The following TLL2 variants were observed in gnomAD, a reference collection of about 807,000 sequenced individuals.
TLL2 encodes the protein tolloid like 2, also known as tolloid-like protein 2.
In TLL2, 106 loss-of-function variants were observed where a neutral mutation model predicts 123.0. The observed-to-expected ratio is 0.86, with a 90% CI of 0.74 to 1.01. The LOEUF is 1.01. Among genes scored for constraint, TLL2 ranks in the 50% least tolerant of loss-of-function variants. TLL2 has a pLI of 0.00. For missense variants in TLL2, 1,332 were observed against 1,336.7 expected (o/e 1.00, Z 0.06); for synonymous variants, 494 against 516.8 (o/e 0.96, Z 0.60).
chr10:96,395,297 C>T lies in TLL2; in HGVS notation c.1616G>A (p.Cys539Tyr), dbSNP rs1430570644. ...TEESALIGHF[C>Y]GYEKPEDVKS... is the part of the protein sequence containing the mutation. ...CACATCCTCCGGCTTCTCATAGCCA[C>T]AAAAGTGGCCGATCAGGGCACTCTC... The change falls in exon 13 of 21, where the codon TGT becomes TAT. Residue 539 changes from cysteine to tyrosine, a missense_variant. Transcript: ENST00000357947. 3 of 1,613,958 alleles carry T rather than the reference C, an allele frequency of 1.9e-6. No individual in the cohort carries two copies. The highest frequency in any genetic ancestry group is 2.2e-5 in the East Asian group (1 of 44,898).
Position 96,369,241 on chromosome 10 carries a change from T to G in TLL2, c.2913+824A>C, listed in dbSNP as rs1295204778. On this transcript the variant is annotated intron_variant, in intron 20 of 20. Coordinates refer to ENST00000357947, the MANE Select transcript of TLL2 (RefSeq NM_012465.4). ...GCAAACTCCCACCAAGCACCAACTA[T>G]ATGCCAAGCCCAGTGTCAGGTGCTG... Among the ~76,000 whole-genome samples the G allele has an allele frequency of 2.0e-5, 3 of 152,118 alleles. No individual in the cohort carries two copies. In the East Asian group the frequency reaches 5.8e-4, roughly 29 times the overall value.
intron 13 of TLL2, among the ~76,000 whole-genome samples, chr10:96,394,548 G>A (rs1263866861): frequency 6.6e-6 from 1 of 152,186 alleles, no homozygotes; most frequent in Non-Finnish European, 1.5e-5. Flanking sequence ...TTCCCAGAGT[G>A]CCACCCCTTA....
At chr10:96,488,696 C>T (rs746202689) in intron 1 of TLL2, among the ~76,000 whole-genome samples, 2 of 152,164 alleles carry the variant, frequency 1.3e-5, no homozygotes, top group Non-Finnish European at 2.9e-5. Context: ...GCCACCACCG[C>T]CTTCCATAGA....
chr10:96,402,274 A>G (rs1846404289), intron 10 of TLL2, among the ~76,000 whole-genome samples: 1 of 152,250 alleles, frequency 6.6e-6, no homozygotes, highest in Non-Finnish European at 1.5e-5. Flanking sequence ...AATCACCTTC[A>G]GCAGTTAGAT....
At chr10:96,382,009 C>A (rs1453726963) in intron 16 of TLL2, among the ~76,000 whole-genome samples, 3 of 152,160 alleles carry the variant, frequency 2.0e-5, no homozygotes, top group Non-Finnish European at 4.4e-5. Flanking sequence ...GCAGGACCTG[C>A]TACACAGTTT....
intron 5 of TLL2, among the ~76,000 whole-genome samples, chr10:96,424,595 A>C (rs1189606852): frequency 1.3e-5 from 2 of 152,050 alleles, no homozygotes; most frequent in African/African-American, 4.8e-5. Flanking sequence ...ATTTTAAGCG[A>C]CATTTTTTTT....
In TLL2 at chr10:96,480,425, A is replaced by T; in HGVS notation, c.210T>A (p.Asp70Glu). The T allele has an allele frequency of 1.2e-6, 2 of 1,614,192 alleles. No individual in the cohort carries two copies. Among genetic ancestry groups the T allele is most frequent in the Non-Finnish European group, 8.5e-7 (1 of 1,180,030 alleles). ...VFWGDIALDE[D>E]DLKLFHIDKA... ...TGTCAATGTGAAACAGCTTCAAGTCATCTTCATCTAAGGCAATGTCTCCCC... is the reference window on the plus strand; with the variant it reads ...TGTCAATGTGAAACAGCTTCAAGTCTTCTTCATCTAAGGCAATGTCTCCCC... Residue 70 changes from aspartate to glutamate, a missense_variant, in exon 2 of 21, where the codon GAT becomes GAA. Physicochemically the swap from Asp to Glu is conservative, Grantham distance 45. Coordinates refer to ENST00000357947, the MANE Select transcript of TLL2 (RefSeq NM_012465.4).
At chr10:96,432,522 C>T (rs1016450099) in intron 4 of TLL2, among the ~76,000 whole-genome samples, 2 of 152,296 alleles carry the variant, frequency 1.3e-5, no homozygotes, top group Non-Finnish European at 2.9e-5. Flanking sequence ...CTCAAACAGT[C>T]ATCATGCAAA....
intron 4 of TLL2, among the ~76,000 whole-genome samples, 180 bp from the exon 5 acceptor site, chr10:96,428,928 C>T (rs186862811): frequency 1.3e-5 from 2 of 152,204 alleles, no homozygotes; most frequent in African/African-American, 4.8e-5. Flanking sequence ...CCTCAGCCTC[C>T]CCAGTAGCTG....
intron 2 of TLL2, among the ~76,000 whole-genome samples, chr10:96,465,230 G>A (rs1161860187): frequency 6.6e-6 from 1 of 152,242 alleles, no homozygotes; most frequent in Non-Finnish European, 1.5e-5. Context: ...GACAATGTCG[G>A]TAAATAGAGG....
At chr10:96,479,386 C>A (rs1254203613) in intron 2 of TLL2, among the ~76,000 whole-genome samples, 2 of 152,232 alleles carry the variant, frequency 1.3e-5, no homozygotes, top group East Asian at 3.8e-4. Flanking sequence ...GTGGGAGGTG[C>A]CCCTGCCCTG....
intron 10 of TLL2, among the ~76,000 whole-genome samples, chr10:96,398,597 C>G (rs996003392): frequency 8.5e-5 from 13 of 152,200 alleles, no homozygotes; most frequent in Non-Finnish European, 1.6e-4. Context: ...CCACAGAGGC[C>G]TGGTCTTCCC....
rs1362213104 is a variant in TLL2, at chr10:96,502,799, G to A, written c.175+10712C>T. Reference sequence around the variant, plus strand: ...GACTCCAGGCCAGTAACCTGGGTGGGAGGCAGGGAAAGAGGCTGGGTGCAA... The same window carrying A: ...GACTCCAGGCCAGTAACCTGGGTGGAAGGCAGGGAAAGAGGCTGGGTGCAA... On this transcript the variant is annotated intron_variant, in intron 1 of 20. Transcript: ENST00000357947. Among the ~76,000 whole-genome samples, 3 of 152,224 alleles carry A rather than the reference G, an allele frequency of 2.0e-5. No individual in the cohort carries two copies. The South Asian group carries it at 6.2e-4, about 31-fold the overall frequency.
In TLL2 at chr10:96,421,076, T is replaced by G; in HGVS notation, c.818-15A>C. ...ATACTCCTGACCTGTGACACAACAC[T>G]GTGTTAAGCCCTTTGAAAACCAAGT... On this transcript the variant is annotated splice_polypyrimidine_tract_variant and intron_variant, in intron 6 of 20. Transcript: ENST00000357947. 1 of 1,608,154 alleles carries G rather than the reference T, an allele frequency of 6.2e-7. No homozygotes were observed. The highest frequency in any genetic ancestry group is 1.1e-5 in the South Asian group (1 of 90,960).
intron 2 of TLL2, among the ~76,000 whole-genome samples, chr10:96,453,810 A>G (rs902781204): frequency 1.3e-5 from 2 of 152,226 alleles, no homozygotes; most frequent in African/African-American, 4.8e-5. Context: ...ACATGCCGAA[A>G]AAATGCTGGA....
At chr10:96,456,597 C>G (rs1245695065) in intron 2 of TLL2, among the ~76,000 whole-genome samples, 1 of 152,230 alleles carries the variant, frequency 6.6e-6, no homozygotes, top group Non-Finnish European at 1.5e-5. Context: ...GAAGACTGAG[C>G]AGGTCCTTCC....
chr10:96,428,806 CT>C lies in TLL2; in HGVS notation c.521-59del, dbSNP rs372525316. ...GATGGGTCCATATTTTCTTTAGATGCTTTTTTTTTTCTTTCAAGACGGAGTT... is the reference window on the plus strand; with the variant it reads ...GATGGGTCCATATTTTCTTTAGATGCTTTTTTTTTCTTTCAAGACGGAGTT... On this transcript the variant is annotated intron_variant, in intron 4 of 20. Transcript: ENST00000357947. The C allele has an allele frequency of 4.6e-3, 4,926 of 1,062,450 alleles. 1 individual carries two copies. Among genetic ancestry groups the C allele is most frequent in the Admixed American group, 6.2e-3 (261 of 42,368 alleles). The allele number at this position is 1,062,450 out of a possible 1,614,324, so 65.8% of individuals were successfully genotyped here.
chr10:96,408,645 T>C (rs1186125245), intron 9 of TLL2, among the ~76,000 whole-genome samples: 1 of 152,212 alleles, frequency 6.6e-6, no homozygotes, highest in Non-Finnish European at 1.5e-5. Context: ...GGATCTCAGA[T>C]ACAAGATGAC....
chr10:96,502,527 A>G (rs1019658839), intron 1 of TLL2, among the ~76,000 whole-genome samples: 2 of 152,114 alleles, frequency 1.3e-5, no homozygotes, highest in Non-Finnish European at 2.9e-5. Context: ...GGGCGGGGTG[A>G]GAAGAAGAGG....
Sources: allele counts gnomAD v4.1 joint callset (sites outside exome capture counted in the v4.1 genomes callset), GRCh38; gene constraint gnomAD v4.1.1; transcripts MANE v1.5; gene names NCBI Gene and HGNC (gene_info 2026-07-23, HGNC 2026-07-21).